The following SLC15A5 variants were observed in gnomAD, a reference collection of about 807,000 sequenced individuals.
The protein encoded by SLC15A5 is Peptide/histidine transporter ENSP00000340402.
SLC15A5 carries 58 observed loss-of-function variants against 56.1 expected under a neutral mutation model. The observed-to-expected ratio is 1.03, with a 90% confidence interval of 0.84 to 1.29. The LOEUF is 1.29. SLC15A5 is among the 50% of genes most tolerant of loss of function. The pLI, the probability that SLC15A5 is intolerant of heterozygous loss-of-function variation, is 0.00. For synonymous variants in SLC15A5, 264 were observed against 250.5 expected, an observed-to-expected ratio of 1.05 and a Z score of -0.51; for missense variants, 681 against 672.1, an observed-to-expected ratio of 1.01 and a Z score of -0.15.
chr12:16,207,717 A>G (rs1422940931), intron 7 of SLC15A5, among the ~76,000 whole-genome samples: 1 of 151,272 alleles, frequency 6.6e-6, no homozygotes, highest in African/African-American at 2.4e-5. Flanking sequence ...GCAGTGGTGC[A>G]ATCTTGGCTC....
intron 3 of SLC15A5, among the ~76,000 whole-genome samples, chr12:16,245,457 A>G (rs1398785411): frequency 6.6e-6 from 1 of 152,164 alleles, no homozygotes; most frequent in Non-Finnish European, 1.5e-5. Flanking sequence ...GAAGCGCTTT[A>G]TTGCTTCAGA....
rs1344471725 is a variant in SLC15A5 at position 16,189,006 on chromosome 12, AT to A, written c.*661del. 2 of 143,932 alleles carry A rather than the reference AT, an allele frequency of 1.4e-5. No individual in the cohort carries two copies. Among genetic ancestry groups the A allele is most frequent in the Admixed American group, 6.9e-5 (1 of 14,460 alleles). 8.9% of individuals were successfully genotyped at this position (143,932 alleles called of 1,614,324 possible). The stretch of plus-strand genomic sequence containing the variant: ...CAGCCCCCTCATTTTATCTTCCCTA[AT>A]TTCCTTCTTTCTTTTAATTCCAATA... On this transcript the variant is annotated 3_prime_UTR_variant, in exon 9 of 9. Transcript: ENST00000344941.
intron 3 of SLC15A5, among the ~76,000 whole-genome samples, chr12:16,246,936 A>G (rs903243806): frequency 1.1e-4 from 17 of 152,150 alleles, no homozygotes; most frequent in Admixed American, 7.2e-4. Context: ...TATCTCAACT[A>G]TCGTGGTCAA....
intron 3 of SLC15A5, among the ~76,000 whole-genome samples, chr12:16,252,178 A>G (rs1436423582): frequency 2.6e-5 from 4 of 152,044 alleles, no homozygotes; most frequent in Non-Finnish European, 5.9e-5. Context: ...AATAAAAGTC[A>G]TATATGAATA....
chr12:16,227,665 G>A (rs1864255780), intron 5 of SLC15A5, among the ~76,000 whole-genome samples: 2 of 152,180 alleles, frequency 1.3e-5, no homozygotes, highest in Non-Finnish European at 2.9e-5. Flanking sequence ...ACGATAGATT[G>A]GGGTCAGATC....
At chr12:16,236,835 A>G (rs1248962084) in intron 5 of SLC15A5, among the ~76,000 whole-genome samples, 2 of 152,228 alleles carry the variant, frequency 1.3e-5, no homozygotes, top group Admixed American at 6.5e-5. Flanking sequence ...GGAAATATCA[A>G]TAAGGATGCC....
chr12:16,236,467 A>G (rs1227645715), intron 5 of SLC15A5, among the ~76,000 whole-genome samples: 1 of 152,200 alleles, frequency 6.6e-6, no homozygotes, highest in Admixed American at 6.5e-5. Flanking sequence ...GGAGACCCTG[A>G]CATATTTCTT....
At chr12:16,217,575 A>G (rs1864142433) in intron 6 of SLC15A5, among the ~76,000 whole-genome samples, 1 of 152,184 alleles carries the variant, frequency 6.6e-6, no homozygotes, top group Admixed American at 6.5e-5. Flanking sequence ...TGAAATGGGA[A>G]TAATATCGTT....
rs1289113716 is a variant in SLC15A5 at position 16,196,906 on chromosome 12, G to A, written c.1484-2453C>T. Among the ~76,000 whole-genome samples, 1 of 151,924 alleles carries A rather than the reference G, an allele frequency of 6.6e-6. No individual in the cohort carries two copies. On this transcript the variant is annotated intron_variant, in intron 7 of 8. Coordinates refer to ENST00000344941, the MANE Select transcript of SLC15A5 (RefSeq NM_001170798.1). The surrounding 1 kb of genome is among the most constrained non-coding windows in gnomAD (Gnocchi z 4.0). Reference sequence around the variant, plus strand: ...GGGAGATACTACTAGATCCCCCTGGGCACACCAGAGCACTCTCATCACTGG... The same window carrying A: ...GGGAGATACTACTAGATCCCCCTGGACACACCAGAGCACTCTCATCACTGG...
intron 5 of SLC15A5, among the ~76,000 whole-genome samples, 194 bp downstream of exon 5, chr12:16,239,487 G>A (rs1864389489): frequency 6.6e-6 from 1 of 152,166 alleles, no homozygotes; most frequent in African/African-American, 2.4e-5. Context: ...AAACATAAAA[G>A]GATAGGAAGA....
intron 1 of SLC15A5, among the ~76,000 whole-genome samples, chr12:16,276,791 G>A (rs1405508): frequency 0.65 from 99,366 of 151,760 alleles, 34,766 homozygotes; most frequent in Non-Finnish European, 0.78. Context: ...ACACTATAGT[G>A]TCTAATTTAC....
chr12:16,225,544 C>T (rs1183545714), intron 5 of SLC15A5, among the ~76,000 whole-genome samples: 1 of 151,998 alleles, frequency 6.6e-6, no homozygotes, highest in Non-Finnish European at 1.5e-5. Context: ...AAAATTTTTG[C>T]AATCTACTCA....
At chr12:16,194,232 T>A (rs1863872729) in intron 8 of SLC15A5, 113 bp downstream of exon 8, 1 of 591,960 alleles carries the variant, frequency 1.7e-6, no homozygotes, top group Non-Finnish European at 2.8e-6. Context: ...TGAATTGCTC[T>A]AATATTCTAA....
chr12:16,236,405 T>G (rs1864352232), intron 5 of SLC15A5, among the ~76,000 whole-genome samples: 1 of 152,142 alleles, frequency 6.6e-6, no homozygotes, highest in South Asian at 2.1e-4. Context: ...GCCTATGAAG[T>G]CTTTGCCTTT....
At chr12:16,199,357 TA>T (rs149549613) in intron 7 of SLC15A5, among the ~76,000 whole-genome samples, 6,471 of 149,794 alleles carry the variant, frequency 0.043, 193 homozygotes, top group African/African-American at 0.069. Flanking sequence ...TCATACTATT[TA>T]GAGTAAGAGA....
intron 7 of SLC15A5, among the ~76,000 whole-genome samples, chr12:16,197,148 A>G (rs930431698): frequency 6.6e-6 from 1 of 151,982 alleles, no homozygotes; most frequent in Admixed American, 6.6e-5. Flanking sequence ...CAAACTTTCT[A>G]TAATGCTCCT....
At position 16,239,577 on chromosome 12, in the gene SLC15A5, A is replaced by C. The variant is rs1006273178; in HGVS notation, c.1162+104T>G. 5 of 1,157,536 alleles carry C rather than the reference A, an allele frequency of 4.3e-6. No individual in the cohort carries two copies. In the African/African-American group the frequency reaches 6.3e-5, roughly 14 times the overall value. The allele number at this position is 1,157,536 out of a possible 1,614,324, so 71.7% of individuals were successfully genotyped here. A position where few individuals can be genotyped will look rare whatever the true frequency, so the allele number is the denominator to read the frequency against. On this transcript the variant is annotated intron_variant, in intron 5 of 8. Coordinates refer to ENST00000344941, the MANE Select transcript of SLC15A5 (RefSeq NM_001170798.1). ...AATTCACCTGTTTTCCATATTATCA[A>C]AATCTGACACTACTCAGGAGCATAT...
intron 7 of SLC15A5, among the ~76,000 whole-genome samples, chr12:16,206,580 A>G: frequency 6.6e-6 from 1 of 152,208 alleles, no homozygotes; most frequent in East Asian, 1.9e-4. Context: ...TATAAACAAG[A>G]AACAAAGGCA....
intron 6 of SLC15A5, among the ~76,000 whole-genome samples, chr12:16,219,409 C>T (rs1228492205): frequency 6.6e-6 from 1 of 152,162 alleles, no homozygotes; most frequent in East Asian, 1.9e-4. Flanking sequence ...GGCTTATAAA[C>T]TTTCCTTTCC....
Sources: allele counts gnomAD v4.1 joint callset (sites outside exome capture counted in the v4.1 genomes callset), GRCh38; gene constraint gnomAD v4.1.1; non-coding constraint Gnocchi (gnomAD v3.1); transcripts MANE v1.5; gene names NCBI Gene and HGNC (gene_info 2026-07-23, HGNC 2026-07-21).